Variants in AK3 observed in about 807,000 individuals in gnomAD.
The protein encoded by AK3 is GTP:AMP phosphotransferase AK3, mitochondrial.
AK3 carries 27 observed loss-of-function variants against 23.7 expected under a neutral mutation model. The ratio of observed to expected loss-of-function variants is 1.14; its 90% CI spans 0.84 to 1.57. AK3 has a LOEUF of 1.57. Among genes scored for constraint, AK3 ranks in the 40% most tolerant of loss-of-function variants. AK3 has a pLI of 0.00. For synonymous variants in AK3, 159 were observed against 116.0 expected, an observed-to-expected ratio of 1.37 and a Z score of -2.38; for missense variants, 406 against 285.6, an observed-to-expected ratio of 1.42 and a Z score of -3.04.
intron 1 of AK3, among the ~76,000 whole-genome samples, chr9:4,730,866 GA>G (rs1242659453): frequency 2.0e-5 from 3 of 151,958 alleles, no homozygotes; most frequent in Non-Finnish European, 4.4e-5. Context: ...TAGTTATTGT[GA>G]AAAAAATCTA....
At chr9:4,735,448 T>G in intron 1 of AK3, among the ~76,000 whole-genome samples, 1 of 126,568 alleles carries the variant, frequency 7.9e-6, no homozygotes, top group Non-Finnish European at 1.6e-5. Context: ...CATATATAAA[T>G]ATATACATAG....
In AK3 at chr9:4,740,880, C is replaced by T. The variant is rs1842413294; in HGVS notation, c.151+57G>A. 4 of 1,423,718 alleles carry T rather than the reference C, an allele frequency of 2.8e-6. No individual in the cohort carries two copies. The East Asian group carries it at 8.5e-5, about 30-fold the overall frequency. The allele number at this position is 1,423,718 out of a possible 1,614,324, so 88.2% of individuals were successfully genotyped here. On this transcript the variant is annotated intron_variant, in intron 1 of 4. Transcript: ENST00000381809. ...CGCGTGCCCAGCTTCGGCCCCTCGC[C>T]CGCGAAGTCCGACCCGGGTGACAGC...
At chr9:4,730,404 TA>T (rs1372937909) in intron 1 of AK3, among the ~76,000 whole-genome samples, 10 of 147,710 alleles carry the variant, frequency 6.8e-5, no homozygotes, top group Admixed American at 6.8e-4. Flanking sequence ...AGAAAAAAAA[TA>T]AAAAAACCAC....
chr9:4,729,416 G>A (rs554560979), intron 1 of AK3, among the ~76,000 whole-genome samples: 3 of 152,254 alleles, frequency 2.0e-5, no homozygotes, highest in Admixed American at 1.3e-4. Context: ...ACGCTGCAGT[G>A]AGCCATGATC....
chr9:4,722,739 T>A, intron 1 of AK3, 114 bp from the exon 2 acceptor site: 2 of 1,454,968 alleles, frequency 1.4e-6, no homozygotes, highest in South Asian at 2.6e-5. Context: ...TCTGAAAATG[T>A]GCATCATCAA....
rs1229193903 is a variant in AK3 at position 4,711,894 on chromosome 9, T to C, written c.*1082A>G. 6.6e-6 allele frequency: 1 copy of C among 152,220 alleles called. No individual in the cohort carries two copies. The highest frequency in any genetic ancestry group is 1.5e-5 in the Non-Finnish European group (1 of 68,026). The allele number at this position is 152,220 out of a possible 1,614,324, so 9.4% of individuals were successfully genotyped here. A position where few individuals can be genotyped will look rare whatever the true frequency, so the allele number is the denominator to read the frequency against. On this transcript the variant is annotated 3_prime_UTR_variant, in exon 5 of 5. Coordinates refer to ENST00000381809, the MANE Select transcript of AK3 (RefSeq NM_016282.4). ...TTCAGGAAACTCACTTTCCTGGTCCTTGTTAACCTATCATGTAAATTCTTT... is the reference window on the plus strand; with the variant it reads ...TTCAGGAAACTCACTTTCCTGGTCCCTGTTAACCTATCATGTAAATTCTTT...
intron 4 of AK3, among the ~76,000 whole-genome samples, chr9:4,714,807 C>A (rs757890907): frequency 6.6e-6 from 1 of 152,142 alleles, no homozygotes; most frequent in Non-Finnish European, 1.5e-5. Context: ...AAACAACCAA[C>A]AATACAACTG....
At chr9:4,713,559 G>C (rs1002797194) in intron 4 of AK3, among the ~76,000 whole-genome samples, 2 of 151,718 alleles carry the variant, frequency 1.3e-5, no homozygotes, top group African/African-American at 4.8e-5. Context: ...TTACTCTTTT[G>C]CAAAAGCTAC....
At chr9:4,739,880 G>A (rs916761270) in intron 1 of AK3, among the ~76,000 whole-genome samples, 3 of 151,832 alleles carry the variant, frequency 2.0e-5, no homozygotes, top group Admixed American at 1.3e-4. Context: ...GCAAGACTCC[G>A]TCTCAAAAAA....
At chr9:4,737,223 A>C (rs1296256887) in intron 1 of AK3, among the ~76,000 whole-genome samples, 1 of 145,176 alleles carries the variant, frequency 6.9e-6, no homozygotes, top group Admixed American at 6.8e-5. Flanking sequence ...TTCATGTGCT[A>C]GATTTATGTC....
chr9:4,728,811 C>A (rs1842076021), intron 1 of AK3, among the ~76,000 whole-genome samples: 1 of 145,048 alleles, frequency 6.9e-6, no homozygotes, highest in East Asian at 2.0e-4. Context: ...GCCTGGGCAA[C>A]ACAGCAAGAC....
intron 3 of AK3, among the ~76,000 whole-genome samples, 182 bp from the exon 4 acceptor site, chr9:4,718,719 A>G (rs1481297393): frequency 6.6e-6 from 1 of 152,204 alleles, no homozygotes; most frequent in Non-Finnish European, 1.5e-5. Flanking sequence ...AGGGTACGCC[A>G]GTTTCATTTC....
chr9:4,741,275 T>C (rs374160311), upstream of AK3: 66 of 519,970 alleles, frequency 1.3e-4, no homozygotes, highest in East Asian at 5.5e-4. Context: ...ACCCCGCTGT[T>C]GCGTCCGCCT....
At chr9:4,733,451 C>G (rs982508917) in intron 1 of AK3, among the ~76,000 whole-genome samples, 1 of 152,206 alleles carries the variant, frequency 6.6e-6, no homozygotes, top group Non-Finnish European at 1.5e-5. Context: ...CCTTGTTTCT[C>G]TCTGGTGATG....
intron 2 of AK3, among the ~76,000 whole-genome samples, chr9:4,720,034 C>T (rs1841853243): frequency 6.6e-6 from 1 of 152,202 alleles, no homozygotes; most frequent in African/African-American, 2.4e-5. Flanking sequence ...CAGTGCACTC[C>T]AGCCTGGGTG....
At chr9:4,722,397 T>C (rs1841921451) in intron 2 of AK3, 109 bp downstream of exon 2, 3 of 1,507,264 alleles carry the variant, frequency 2.0e-6, no homozygotes, top group Non-Finnish European at 1.8e-6. Flanking sequence ...CAAGCACCCC[T>C]CTCCCCAAAC....
Position 4,734,348 on chromosome 9 carries a change from C to G in AK3, c.151+6589G>C, listed in dbSNP as rs73641822. On this transcript the variant is annotated intron_variant, in intron 1 of 4. Transcript: ENST00000381809. The stretch of plus-strand genomic sequence containing the variant: ...CCCCCTAGTGTGTGGTATTGTGTTA[C>G]GGCAGCCTGAGCTGACTAACACACA... 3.6e-3 allele frequency among the ~76,000 whole-genome samples: 463 copies of G among 129,798 alleles called. 1 individual carries two copies. Among genetic ancestry groups the G allele is most frequent in the African/African-American group, 0.012 (441 of 36,884 alleles). The allele number at this position is 129,798 out of a possible 152,430, so 85.2% of individuals were successfully genotyped here.
chr9:4,718,387 C>A, intron 4 of AK3, 32 bp downstream of exon 4: 1 of 1,510,888 alleles, frequency 6.6e-7, no homozygotes. Flanking sequence ...TGCACCACTA[C>A]GCAAGAGAAG....
At chr9:4,721,358 G>A (rs534840600) in intron 2 of AK3, among the ~76,000 whole-genome samples, 2 of 149,506 alleles carry the variant, frequency 1.3e-5, no homozygotes, top group Admixed American at 6.7e-5. Context: ...AGAGGAGATC[G>A]CACCATCACA....
Sources: gnomAD v4.1 joint callset for allele counts (sites outside exome capture counted in the v4.1 genomes callset) on GRCh38, gnomAD v4.1.1 for gene constraint, MANE v1.5 for transcripts, NCBI Gene and HGNC (gene_info 2026-07-23, HGNC 2026-07-21) for gene names.